The following SPOCK3 variants were observed in gnomAD, a reference collection of about 807,000 sequenced individuals.
SPOCK3 encodes SPARC (osteonectin), cwcv and kazal like domains proteoglycan 3.
A neutral mutation model predicts 56.6 loss-of-function variants in SPOCK3; 30 were observed. That is an observed-to-expected ratio of 0.53 (90% confidence interval 0.40 to 0.72). SPOCK3 has a LOEUF of 0.72. Among genes scored for constraint, SPOCK3 ranks in the 30% least tolerant of loss-of-function variants. The pLI, the probability that SPOCK3 is intolerant of heterozygous loss-of-function variation, is 0.00. For synonymous variants in SPOCK3, 196 were observed against 183.3 expected (o/e 1.07, Z -0.56); for missense variants, 527 against 530.0 (o/e 0.99, Z 0.06).
At chr4:167,048,054 A>G (rs1753879936) in intron 3 of SPOCK3, among the ~76,000 whole-genome samples, 2 of 152,166 alleles carry the variant, frequency 1.3e-5, no homozygotes, top group African/African-American at 4.8e-5. Context: ...AAAAGAAAAT[A>G]TGTTAAGTAG....
intron 4 of SPOCK3, among the ~76,000 whole-genome samples, chr4:166,966,302 A>T (rs1450713573): frequency 6.6e-6 from 1 of 151,138 alleles, no homozygotes; most frequent in Non-Finnish European, 1.5e-5. Context: ...CTCATTATTG[A>T]AAATATATGC....
At chr4:166,818,254 T>G (rs1357901139) in intron 6 of SPOCK3, among the ~76,000 whole-genome samples, 1 of 152,020 alleles carries the variant, frequency 6.6e-6, no homozygotes. Flanking sequence ...TGTGTGTGTG[T>G]GTGTGTATTA....
intron 6 of SPOCK3, chr4:166,883,061 T>C (rs1222366722): frequency 6.6e-6 from 1 of 152,150 alleles, no homozygotes; most frequent in Non-Finnish European, 1.5e-5. Flanking sequence ...CTGTTTCTCA[T>C]TGAAAATCCA....
At chr4:166,974,625 T>A (rs1745749479) in intron 4 of SPOCK3, among the ~76,000 whole-genome samples, 1 of 152,178 alleles carries the variant, frequency 6.6e-6, no homozygotes, top group Non-Finnish European at 1.5e-5. Flanking sequence ...ATTTCTCTCC[T>A]ACCAAGTTTT....
At chr4:167,044,381 A>G (rs914152554) in intron 3 of SPOCK3, among the ~76,000 whole-genome samples, 28 of 151,896 alleles carry the variant, frequency 1.8e-4, no homozygotes, top group South Asian at 6.3e-4. Flanking sequence ...TTTTCAAAGA[A>G]CCAGTTTCTG....
Position 167,000,443 on chromosome 4 carries a change from G to T in SPOCK3, c.256C>A (p.Pro86Thr), listed in dbSNP as rs572553472. 6 of 1,592,658 alleles carry T rather than the reference G, an allele frequency of 3.8e-6. No homozygotes were observed. Among genetic ancestry groups the T allele is most frequent in the Non-Finnish European group, 5.1e-6 (6 of 1,166,870 alleles). The change falls in exon 4 of 11, where the codon CCA (proline) becomes ACA (threonine). Residue 86 changes from proline (P) to threonine (T), a missense_variant. By Grantham distance (38) the Pro-to-Thr change is conservative. Transcript: ENST00000357545. ...CGACTACATTTCATCTTTAAGCATGGATCCTTAGCTGGATCTAAAGCTAAA... is the reference window on the plus strand; with the variant it reads ...CGACTACATTTCATCTTTAAGCATGTATCCTTAGCTGGATCTAAAGCTAAA... Reference protein sequence around the residue: ...FDQALDPAKDPCLKMKCSRHK... With the variant: ...FDQALDPAKDTCLKMKCSRHK...
chr4:167,178,164 A>G (rs1392745263), intron 2 of SPOCK3, among the ~76,000 whole-genome samples: 7 of 152,112 alleles, frequency 4.6e-5, no homozygotes, highest in African/African-American at 4.8e-5. Context: ...AGCTCACCAC[A>G]AAGATCTTCT....
chr4:166,807,773 A>G (rs1743335778), intron 6 of SPOCK3, among the ~76,000 whole-genome samples: 1 of 152,054 alleles, frequency 6.6e-6, no homozygotes. Context: ...TACTATTTGT[A>G]TTCCTTCCTA....
chr4:166,769,743 G>A lies in SPOCK3; in HGVS notation c.710-15014C>T, dbSNP rs542512323. Among the ~76,000 whole-genome samples the A allele has an allele frequency of 3.3e-5, 5 of 152,212 alleles. No individual in the cohort carries two copies. In the East Asian group the frequency reaches 9.7e-4, roughly 30 times the overall value. The stretch of plus-strand genomic sequence containing the variant: ...CAGACAGGGACATTTAAGTCTGCAG[G>A]GGTTTCTGCTGCCTTTTGTTCAGCT... On this transcript the variant is annotated intron_variant, in intron 7 of 10. Coordinates refer to ENST00000357545, the MANE Select transcript of SPOCK3 (RefSeq NM_001040159.2).
intron 2 of SPOCK3, among the ~76,000 whole-genome samples, chr4:167,227,883 A>T (rs1049530345): frequency 1.3e-5 from 2 of 152,198 alleles, no homozygotes; most frequent in Non-Finnish European, 2.9e-5. Flanking sequence ...CTATAGTGGT[A>T]CACGATGTTC....
At chr4:167,020,882 A>G (rs1322019892) in intron 3 of SPOCK3, among the ~76,000 whole-genome samples, 2 of 152,088 alleles carry the variant, frequency 1.3e-5, no homozygotes, top group East Asian at 3.9e-4. Context: ...TTGTTGGGAT[A>G]AAGTTGAAGA....
intron 5 of SPOCK3, among the ~76,000 whole-genome samples, chr4:166,906,934 C>T (rs1390263016): frequency 6.6e-6 from 1 of 152,038 alleles, no homozygotes; most frequent in East Asian, 1.9e-4. Flanking sequence ...GACTTAAATT[C>T]TCTGTGCTTC....
At chr4:167,103,356 C>G (rs140449578) in intron 2 of SPOCK3, among the ~76,000 whole-genome samples, 1,923 of 152,170 alleles carry the variant, frequency 0.013, 19 homozygotes, top group Non-Finnish European at 0.015. Context: ...TGCCCTGGAC[C>G]AGAGGGTGGC....
intron 4 of SPOCK3, among the ~76,000 whole-genome samples, chr4:166,968,633 C>G (rs1207785678): frequency 3.6e-5 from 5 of 137,404 alleles, no homozygotes; most frequent in Admixed American, 6.8e-5. Context: ...GAGCCTCTGC[C>G]TAGATTTCAG....
intron 6 of SPOCK3, among the ~76,000 whole-genome samples, chr4:166,795,468 A>G (rs1490493821): frequency 6.6e-6 from 1 of 152,140 alleles, no homozygotes; most frequent in African/African-American, 2.4e-5. Flanking sequence ...TACTTTACGT[A>G]TAAAACTTTT....
chr4:166,743,399 T>C (rs1028144221), intron 8 of SPOCK3, among the ~76,000 whole-genome samples: 1 of 152,104 alleles, frequency 6.6e-6, no homozygotes, highest in Non-Finnish European at 1.5e-5. Context: ...GTGCTTAACA[T>C]ATACATTGTA....
chr4:167,079,290 C>T (rs939973520), intron 2 of SPOCK3, among the ~76,000 whole-genome samples: 1 of 151,954 alleles, frequency 6.6e-6, no homozygotes, highest in Non-Finnish European at 1.5e-5. Context: ...TTCAAAGCTT[C>T]CCACAAAATT....
intron 3 of SPOCK3, among the ~76,000 whole-genome samples, chr4:167,017,130 T>C (rs1750702594): frequency 6.6e-6 from 1 of 152,112 alleles, no homozygotes; most frequent in Non-Finnish European, 1.5e-5. Context: ...TGGGTTCCCA[T>C]TTCCCTTTCC....
At chr4:166,919,578 T>C (rs1738263046) in intron 4 of SPOCK3, among the ~76,000 whole-genome samples, 1 of 152,186 alleles carries the variant, frequency 6.6e-6, no homozygotes, top group African/African-American at 2.4e-5. Flanking sequence ...ATTCAGATTG[T>C]AGTGATCCAG....
Sources: allele counts gnomAD v4.1 joint callset (sites outside exome capture counted in the v4.1 genomes callset), GRCh38; gene constraint gnomAD v4.1.1; transcripts MANE v1.5; gene names NCBI Gene and HGNC (gene_info 2026-07-23, HGNC 2026-07-21).